The following DLGAP1 variants were observed in gnomAD, a reference collection of about 807,000 sequenced individuals.
The protein encoded by DLGAP1 is DLG associated protein 1.
DLGAP1 carries 11 observed loss-of-function variants against 90.8 expected under a neutral mutation model. That is an observed-to-expected ratio of 0.12 (90% CI 0.08 to 0.20). DLGAP1 has a LOEUF of 0.20. DLGAP1 is among the 10% of genes least tolerant of loss of function. The pLI, the probability that DLGAP1 is intolerant of heterozygous loss-of-function variation, is 1.00. For synonymous variants in DLGAP1, 558 were observed against 540.7 expected (o/e 1.03, Z -0.44); for missense variants, 1,050 against 1,333.8 (o/e 0.79, Z 3.31).
chr18:4,216,111 G>A (rs935859785), intron 1 of DLGAP1, among the ~76,000 whole-genome samples: 2 of 152,084 alleles, frequency 1.3e-5, no homozygotes, highest in Admixed American at 6.6e-5. Context: ...ATGGCTGGGA[G>A]GCCTCAGGAA....
chr18:4,181,973 C>T (rs1325004028), intron 1 of DLGAP1, among the ~76,000 whole-genome samples: 6 of 152,202 alleles, frequency 3.9e-5, no homozygotes, highest in South Asian at 2.1e-4. Context: ...AAGATGATAG[C>T]GATTTGCAGA....
Position 3,777,629 on chromosome 18 carries a change from C to A in DLGAP1, c.1173-35117G>T, listed in dbSNP as rs187716175. Among the ~76,000 whole-genome samples, 20 of 150,918 alleles carry A rather than the reference C, an allele frequency of 1.3e-4. No individual in the cohort carries two copies. In the East Asian group the frequency reaches 3.9e-3, roughly 30 times the overall value. On this transcript the variant is annotated intron_variant, in intron 5 of 12. Transcript: ENST00000315677. ...CATACAATATTATGATGATCATCTCCTCTTGAAAAAACAAAAGAGATGTAA... is the reference window on the plus strand; with the variant it reads ...CATACAATATTATGATGATCATCTCATCTTGAAAAAACAAAAGAGATGTAA...
intron 1 of DLGAP1, among the ~76,000 whole-genome samples, chr18:4,307,673 G>GC (rs1437317439): frequency 2.0e-5 from 3 of 150,810 alleles, no homozygotes; most frequent in African/African-American, 7.3e-5. Flanking sequence ...TGCCCCGCCA[G>GC]CACTCTGTCC....
intron 3 of DLGAP1, among the ~76,000 whole-genome samples, chr18:3,892,254 C>A (rs889646466): frequency 6.6e-6 from 1 of 151,326 alleles, no homozygotes; most frequent in African/African-American, 2.4e-5. Flanking sequence ...CTTCTCAGAC[C>A]CTCTACACTT....
chr18:4,308,672 G>C (rs952948902), intron 1 of DLGAP1, among the ~76,000 whole-genome samples: 1 of 152,128 alleles, frequency 6.6e-6, no homozygotes, highest in African/African-American at 2.4e-5. Flanking sequence ...GTTTAAATTG[G>C]TACAAATAGT....
chr18:3,720,888 C>CAAAAAAAA (rs1186426563), intron 7 of DLGAP1, among the ~76,000 whole-genome samples: 9 of 50,306 alleles, frequency 1.8e-4, no homozygotes, highest in African/African-American at 6.4e-4. Context: ...CTTGTCTCTA[C>CAAAAAAAA]AAAAAAAAAA....
intron 5 of DLGAP1, among the ~76,000 whole-genome samples, chr18:3,803,279 G>C (rs535380432): frequency 3.8e-4 from 58 of 152,248 alleles, no homozygotes; most frequent in African/African-American, 1.4e-3. Context: ...TTCGTCTCCA[G>C]CTTCTCTCAC....
intron 2 of DLGAP1, among the ~76,000 whole-genome samples, chr18:4,099,333 ATCTATCTATCTATCTGTCTG>A (rs147201798): frequency 0.05 from 7,153 of 141,840 alleles, 260 homozygotes; most frequent in African/African-American, 0.11. Context: ...CTATCTATCT[ATCTATCTATCTATCTGTCTG>A]TCTGTCTATC....
chr18:3,936,967 T>C (rs1413505385), intron 3 of DLGAP1, among the ~76,000 whole-genome samples: 2 of 152,214 alleles, frequency 1.3e-5, no homozygotes, highest in Admixed American at 6.5e-5. Context: ...GCCATGCTCC[T>C]TGGCTCTTAT....
At chr18:3,547,227 C>T (rs1249075168) in intron 9 of DLGAP1, among the ~76,000 whole-genome samples, 4 of 141,042 alleles carry the variant, frequency 2.8e-5, no homozygotes, top group African/African-American at 5.5e-5. Context: ...CTTGAACCCC[C>T]GGGGGCGGAG....
In DLGAP1 at chr18:3,670,784, T is replaced by A. The variant is rs954955472; in HGVS notation, c.1591+58351A>T. On this transcript the variant is annotated intron_variant, in intron 7 of 12. Transcript: ENST00000315677. ...CATATCCTGAAATTAATGTTTGCTG[T>A]CATTTAAGCAAAACCTGCTTTCTTT... Among the ~76,000 whole-genome samples the A allele has an allele frequency of 3.3e-5, 5 of 152,238 alleles. No homozygotes were observed. The South Asian group carries it at 1.0e-3, about 31-fold the overall frequency.
chr18:4,277,218 T>C (rs1408708572), intron 1 of DLGAP1, among the ~76,000 whole-genome samples: 1 of 152,224 alleles, frequency 6.6e-6, no homozygotes, highest in Non-Finnish European at 1.5e-5. Flanking sequence ...GATGCCCTTG[T>C]GATCTAATAA....
chr18:3,551,532 A>G (rs2053421670), intron 9 of DLGAP1, among the ~76,000 whole-genome samples: 1 of 152,134 alleles, frequency 6.6e-6, no homozygotes, highest in Admixed American at 6.5e-5. Flanking sequence ...ACAGGTGTGT[A>G]CCACTATGCC....
chr18:3,600,933 T>G (rs2056952495), intron 7 of DLGAP1, among the ~76,000 whole-genome samples: 1 of 75,240 alleles, frequency 1.3e-5, no homozygotes, highest in Admixed American at 1.2e-4. Flanking sequence ...TATATATAGA[T>G]ATATAGATAG....
chr18:3,991,781 A>G (rs72868212), intron 3 of DLGAP1, among the ~76,000 whole-genome samples: 8,326 of 152,350 alleles, frequency 0.055, 287 homozygotes, highest in Non-Finnish European at 0.079. Flanking sequence ...CCACACAAAA[A>G]GAAAACTGCA....
At position 4,383,640 on chromosome 18, in the gene DLGAP1, A is replaced by AG. The variant is rs1250643645; in HGVS notation, c.-267+71365_-267+71366insC. ...AATCAAGTAGAACTGCTTTCTGACT[A>AG]TGCTATGTAGAATGCGAAGTGATTA... is the stretch of plus-strand genomic sequence containing the variant. On this transcript the variant is annotated intron_variant, in intron 1 of 12. Coordinates refer to ENST00000315677, the MANE Select transcript of DLGAP1 (RefSeq NM_004746.4). This position sits in a 1 kb window ranked among gnomAD's most constrained non-coding sequence, Gnocchi z 4.0. Among the ~76,000 whole-genome samples, 1 of 152,168 alleles carries AG rather than the reference A, an allele frequency of 6.6e-6. No individual in the cohort carries two copies. Among genetic ancestry groups the AG allele is most frequent in the Non-Finnish European group, 1.5e-5 (1 of 68,016 alleles).
chr18:4,062,916 A>C (rs1250180726), intron 2 of DLGAP1, among the ~76,000 whole-genome samples: 7 of 152,168 alleles, frequency 4.6e-5, no homozygotes, highest in African/African-American at 9.6e-5. Context: ...CAAGCTCCAT[A>C]TAATCCTTAG....
intron 7 of DLGAP1, among the ~76,000 whole-genome samples, chr18:3,714,952 G>A (rs189982968): frequency 4.6e-5 from 7 of 152,168 alleles, no homozygotes; most frequent in East Asian, 1.9e-4. Flanking sequence ...TTAAAATTCC[G>A]CAGACAACAC....
chr18:3,858,477 C>CAT (rs141028503), intron 4 of DLGAP1, among the ~76,000 whole-genome samples: 108,092 of 147,140 alleles, frequency 0.73, 39,941 homozygotes, highest in African/African-American at 0.82. Context: ...AAAAGGGAAA[C>CAT]ATATATATAT....
Sources: gnomAD v4.1 joint callset for allele counts (sites outside exome capture counted in the v4.1 genomes callset) on GRCh38, gnomAD v4.1.1 for gene constraint, Gnocchi (gnomAD v3.1) non-coding constraint, MANE v1.5 for transcripts, NCBI Gene and HGNC (gene_info 2026-07-23, HGNC 2026-07-21) for gene names.